CADM1: variants seen among roughly 807,000 people sequenced by gnomAD.
CADM1 encodes the protein TSLC-1.
Under a neutral mutation model 53.1 loss-of-function variants are expected in CADM1, and 15 were observed. That is an observed-to-expected ratio of 0.28 (90% CI 0.19 to 0.44). CADM1 has a LOEUF of 0.44. CADM1 is among the 20% of genes least tolerant of loss of function. The pLI is 1.00. For missense variants in CADM1, 434 were observed against 611.3 expected (o/e 0.71, Z 3.06); for synonymous variants, 281 against 243.0 (o/e 1.16, Z -1.45).
rs1939008033 is a variant in CADM1, at chr11:115,175,946, G to A, written c.*528C>T. On this transcript the variant is annotated 3_prime_UTR_variant, in exon 12 of 12. Coordinates refer to ENST00000331581, the MANE Select transcript of CADM1 (RefSeq NM_001301043.2). Reference sequence around the variant, plus strand: ...AATTCTGAACTATGAAATCTAAGCTGTGCTGGTTCTCCTTTTATGAAACTG... The same window carrying A: ...AATTCTGAACTATGAAATCTAAGCTATGCTGGTTCTCCTTTTATGAAACTG... 1.9e-6 allele frequency: 2 copies of A among 1,031,068 alleles called. No homozygotes were observed. Among genetic ancestry groups the A allele is most frequent in the Non-Finnish European group, 2.3e-6 (2 of 858,356 alleles). 63.9% of individuals were successfully genotyped at this position (1,031,068 alleles called of 1,614,324 possible). A position where few individuals can be genotyped will look rare whatever the true frequency, so the allele number is the denominator to read the frequency against.
intron 1 of CADM1, among the ~76,000 whole-genome samples, chr11:115,299,803 C>T (rs1944172603): frequency 1.3e-5 from 2 of 152,130 alleles, no homozygotes; most frequent in South Asian, 4.2e-4. Flanking sequence ...ACTTTAGCCG[C>T]CATTTTCTCT....
At chr11:115,270,175 A>G (rs911267300) in intron 1 of CADM1, among the ~76,000 whole-genome samples, 1 of 152,208 alleles carries the variant, frequency 6.6e-6, no homozygotes. Context: ...GCAGACACAC[A>G]ATAACAAAAG....
At chr11:115,346,106 A>G (rs1178552309) in intron 1 of CADM1, among the ~76,000 whole-genome samples, 1 of 98 alleles carries the variant, frequency 0.01, no homozygotes, top group Non-Finnish European at 0.021. Flanking sequence ...CTTTTTCCAG[A>G]GACTTCGGTT....
At chr11:115,431,933 C>A (rs1565424590) in intron 1 of CADM1, among the ~76,000 whole-genome samples, 1 of 150,202 alleles carries the variant, frequency 6.7e-6, no homozygotes, top group East Asian at 1.9e-4. Context: ...TATATAAAAC[C>A]ATATATATAA....
chr11:115,237,417 T>C (rs1942047409), intron 3 of CADM1, among the ~76,000 whole-genome samples: 1 of 152,214 alleles, frequency 6.6e-6, no homozygotes, highest in Non-Finnish European at 1.5e-5. Flanking sequence ...TAGGGTTATG[T>C]TTTAGCTTAA....
chr11:115,372,850 A>G (rs941476907), intron 1 of CADM1, among the ~76,000 whole-genome samples: 1 of 152,218 alleles, frequency 6.6e-6, no homozygotes, highest in Non-Finnish European at 1.5e-5. Context: ...TCAGGTGAGC[A>G]TGGATGAAAG....
intron 9 of CADM1, among the ~76,000 whole-genome samples, chr11:115,193,438 A>G (rs919372953): frequency 6.6e-6 from 1 of 152,248 alleles, no homozygotes; most frequent in Non-Finnish European, 1.5e-5. Context: ...CATGATAGCC[A>G]TCTCTTCTGC....
chr11:115,400,607 A>T (rs11215535), intron 1 of CADM1, among the ~76,000 whole-genome samples: 3 of 133,934 alleles, frequency 2.2e-5, no homozygotes, highest in South Asian at 2.3e-4. Flanking sequence ...CATATATATA[A>T]TATATATCTT....
At chr11:115,202,836 T>C (rs760011904) in intron 8 of CADM1, among the ~76,000 whole-genome samples, 6 of 149,438 alleles carry the variant, frequency 4.0e-5, no homozygotes, top group African/African-American at 7.6e-5. Flanking sequence ...CCAATATATA[T>C]TAAATATATG....
chr11:115,488,692 C>G (rs1009432495), intron 1 of CADM1, among the ~76,000 whole-genome samples: 8 of 152,202 alleles, frequency 5.3e-5, no homozygotes, highest in African/African-American at 1.9e-4. Flanking sequence ...AACCTACTTT[C>G]TGTTTAAAGC....
At chr11:115,314,535 A>C (rs1276232021) in intron 1 of CADM1, among the ~76,000 whole-genome samples, 1 of 152,218 alleles carries the variant, frequency 6.6e-6, no homozygotes, top group Non-Finnish European at 1.5e-5. Context: ...GTCTATGACT[A>C]AGACTATGCA....
intron 1 of CADM1, among the ~76,000 whole-genome samples, chr11:115,448,740 A>ACTT (rs752546852): frequency 9.2e-5 from 14 of 152,200 alleles, no homozygotes; most frequent in Admixed American, 2.0e-4. Flanking sequence ...CACAAAGTCA[A>ACTT]CATGTATTTC....
chr11:115,320,792 A>C (rs1031600136), intron 1 of CADM1, among the ~76,000 whole-genome samples: 9 of 152,126 alleles, frequency 5.9e-5, no homozygotes, highest in Non-Finnish European at 7.4e-5. Flanking sequence ...AATAGAAGGA[A>C]AGAGATTCCT....
chr11:115,486,312 A>C (rs1317823722), intron 1 of CADM1, among the ~76,000 whole-genome samples: 1 of 152,158 alleles, frequency 6.6e-6, no homozygotes, highest in Non-Finnish European at 1.5e-5. Context: ...TGTTCAAAAA[A>C]TTTAAGACTC....
intron 1 of CADM1, among the ~76,000 whole-genome samples, chr11:115,487,437 T>C (rs1207610514): frequency 6.6e-6 from 1 of 152,100 alleles, no homozygotes; most frequent in African/African-American, 2.4e-5. Context: ...TCCTAAAACC[T>C]TGAAAAATAT....
intron 4 of CADM1, 37 bp from the exon 5 acceptor site, chr11:115,229,308 G>C: frequency 6.2e-7 from 1 of 1,609,710 alleles, no homozygotes; most frequent in African/African-American, 1.3e-5. Flanking sequence ...ACCAGAGTTG[G>C]GTGAATTTCC....
In CADM1 at chr11:115,340,658, A is replaced by ATATT. The variant is rs60532835; in HGVS notation, c.125-100239_125-100238insAATA. On this transcript the variant is annotated intron_variant, in intron 1 of 11. Transcript: ENST00000331581. ...TATATATATATATATATATATATAT[A>ATATT]TTTTTTTTTTTTTTTTTTTTGAGAC... 1.8e-3 allele frequency among the ~76,000 whole-genome samples: 63 copies of ATATT among 34,926 alleles called. 1 individual carries two copies. The highest frequency in any genetic ancestry group is 6.5e-3 in the East Asian group (6 of 918). 22.9% of individuals were successfully genotyped at this position (34,926 alleles called of 152,430 possible). A position where few individuals can be genotyped will look rare whatever the true frequency, so the allele number is the denominator to read the frequency against.
intron 10 of CADM1, among the ~76,000 whole-genome samples, chr11:115,180,742 T>TGCA (rs1939271577): frequency 6.6e-6 from 1 of 152,008 alleles, no homozygotes; most frequent in African/African-American, 2.4e-5. Context: ...ACACTGGAGA[T>TGCA]GTTCAGTCCA....
At chr11:115,277,138 C>T (rs1943467448) in intron 1 of CADM1, among the ~76,000 whole-genome samples, 1 of 152,210 alleles carries the variant, frequency 6.6e-6, no homozygotes, top group African/African-American at 2.4e-5. Flanking sequence ...CAATGCCCCA[C>T]CACAAAGTAA....
Sources: allele counts gnomAD v4.1 joint callset (sites outside exome capture counted in the v4.1 genomes callset), GRCh38; gene constraint gnomAD v4.1.1; transcripts MANE v1.5; gene names NCBI Gene and HGNC (gene_info 2026-07-23, HGNC 2026-07-21).